Variants in WWC1 observed in about 807,000 individuals in gnomAD.
WWC1 encodes the protein WW and C2 domain containing 1, also known as protein KIBRA.
In WWC1, 55 loss-of-function variants were observed where a neutral mutation model predicts 138.4. That is an observed-to-expected ratio of 0.40 (90% CI 0.32 to 0.50). The LOEUF (loss-of-function observed/expected upper bound fraction) is 0.50, where lower values mean the gene tolerates loss of function less well. WWC1 is among the 20% of genes least tolerant of loss of function. The probability of loss-of-function intolerance (pLI) is 0.72; values close to 1 mark genes in which losing one functional copy is unlikely to be tolerated. For synonymous variants in WWC1, 524 were observed against 564.9 expected (o/e 0.93, Z 1.03); for missense variants, 1,226 against 1,420.4 (o/e 0.86, Z 2.20).
intron 17 of WWC1, among the ~76,000 whole-genome samples, chr5:168,452,396 G>A (rs576092282): frequency 6.6e-6 from 1 of 152,278 alleles, no homozygotes; most frequent in South Asian, 2.1e-4. Flanking sequence ...AAGTTGGGCT[G>A]GGACCTCATA....
intron 3 of WWC1, among the ~76,000 whole-genome samples, chr5:168,391,294 G>A (rs1296590666): frequency 6.6e-6 from 1 of 152,144 alleles, no homozygotes; most frequent in Non-Finnish European, 1.5e-5. Flanking sequence ...CAGTTACTCA[G>A]GAGGCTGAAG....
At chr5:168,434,525 G>C (rs768055462) in intron 15 of WWC1, among the ~76,000 whole-genome samples, 1 of 152,128 alleles carries the variant, frequency 6.6e-6, no homozygotes, top group Admixed American at 6.5e-5. Context: ...TTTAATCTTC[G>C]TGATGGCCCC....
At chr5:168,413,317 A>T (rs1225571941) in intron 8 of WWC1, among the ~76,000 whole-genome samples, 4 of 152,116 alleles carry the variant, frequency 2.6e-5, no homozygotes, top group African/African-American at 7.2e-5. Flanking sequence ...TGATGTCATG[A>T]TTGTTGTTAG....
chr5:168,358,713 A>G (rs1775644430), intron 1 of WWC1, among the ~76,000 whole-genome samples: 1 of 152,012 alleles, frequency 6.6e-6, no homozygotes, highest in African/African-American at 2.4e-5. Context: ...TTTTTCTTAC[A>G]ACTTTATTGA....
chr5:168,451,950 G>C (rs2152882925), intron 17 of WWC1, among the ~76,000 whole-genome samples: 2 of 128,936 alleles, frequency 1.6e-5, no homozygotes. Context: ...CTGTCACCCA[G>C]GCTGTAGTGC....
At chr5:168,460,764 T>C (rs2152891739) in intron 20 of WWC1, 22 bp downstream of exon 20, 1 of 1,612,786 alleles carries the variant, frequency 6.2e-7, no homozygotes, top group East Asian at 2.2e-5. Flanking sequence ...ACCTCAAAGC[T>C]ATTTTTCTGC....
rs114016043 is a variant in WWC1, at chr5:168,453,446, G to A, written c.2526-522G>A. On this transcript the variant is annotated intron_variant, in intron 17 of 22. Transcript: ENST00000265293. The stretch of plus-strand genomic sequence containing the variant: ...GAAAAGGTAGGAGAGAATTCTGGTG[G>A]GGAATGGAATGTTCTACATCTCAAG... 2.9e-3 allele frequency among the ~76,000 whole-genome samples: 442 copies of A among 152,280 alleles called. 6 individuals are homozygous for A. The highest frequency in any genetic ancestry group is 9.9e-3 in the African/African-American group (410 of 41,548).
intron 1 of WWC1, among the ~76,000 whole-genome samples, chr5:168,314,270 A>C (rs1489047581): frequency 6.6e-6 from 1 of 152,174 alleles, no homozygotes; most frequent in Non-Finnish European, 1.5e-5. Flanking sequence ...GCCTGGGAGA[A>C]GTATTGATGT....
chr5:168,416,277 C>T (rs1037383402), intron 9 of WWC1: 2 of 152,238 alleles, frequency 1.3e-5, no homozygotes, highest in African/African-American at 4.8e-5. Context: ...TCATTGGCAG[C>T]AGCAGCTGAT....
intron 5 of WWC1, among the ~76,000 whole-genome samples, chr5:168,403,576 T>C (rs2152834912): frequency 6.6e-6 from 1 of 152,306 alleles, no homozygotes; most frequent in South Asian, 2.1e-4. Flanking sequence ...AGGTTGCCTC[T>C]TGGAGGAGAT....
At chr5:168,315,190 T>G (rs62385617) in intron 1 of WWC1, among the ~76,000 whole-genome samples, 16 of 141,310 alleles carry the variant, frequency 1.1e-4, no homozygotes, top group African/African-American at 4.1e-4. Flanking sequence ...TTTTTTTTTT[T>G]CCATTCCTTC....
chr5:168,320,648 CAG>C (rs1771991146), intron 1 of WWC1, among the ~76,000 whole-genome samples: 1 of 152,134 alleles, frequency 6.6e-6, no homozygotes, highest in Non-Finnish European at 1.5e-5. Flanking sequence ...TGTCAGTGAA[CAG>C]AGCAGAATCT....
intron 1 of WWC1, among the ~76,000 whole-genome samples, chr5:168,322,744 G>C (rs922215215): frequency 6.6e-6 from 1 of 152,186 alleles, no homozygotes; most frequent in Non-Finnish European, 1.5e-5. Flanking sequence ...GGGTGGTTTG[G>C]TGCCACATTG....
intron 1 of WWC1, among the ~76,000 whole-genome samples, chr5:168,344,432 A>G (rs899172453): frequency 1.3e-5 from 2 of 152,188 alleles, no homozygotes; most frequent in African/African-American, 4.8e-5. Flanking sequence ...CGGTTTTCTC[A>G]TCTGTAGAAT....
intron 1 of WWC1, among the ~76,000 whole-genome samples, chr5:168,357,277 C>T (rs1424598870): frequency 1.4e-5 from 2 of 146,266 alleles, no homozygotes; most frequent in African/African-American, 5.1e-5. Context: ...TATTAAGATA[C>T]TGTCTTTTTC....
chr5:168,453,685 A>G (rs1174674160), intron 17 of WWC1, among the ~76,000 whole-genome samples: 1 of 152,100 alleles, frequency 6.6e-6, no homozygotes, highest in Admixed American at 6.5e-5. Context: ...AGCTGGGACT[A>G]CAGGTGTGCA....
chr5:168,344,058 C>A (rs1774268158), intron 1 of WWC1, among the ~76,000 whole-genome samples: 1 of 152,156 alleles, frequency 6.6e-6, no homozygotes. Flanking sequence ...CAGCAGCTTG[C>A]AAGGCCTATC....
At chr5:168,319,062 T>A (rs1468174585) in intron 1 of WWC1, among the ~76,000 whole-genome samples, 1 of 152,246 alleles carries the variant, frequency 6.6e-6, no homozygotes, top group Admixed American at 6.5e-5. Flanking sequence ...CATCTGTTGG[T>A]GGACACTTGG....
chr5:168,331,396 A>G (rs1773020494), intron 1 of WWC1, among the ~76,000 whole-genome samples: 3 of 152,204 alleles, frequency 2.0e-5, no homozygotes, highest in Admixed American at 2.0e-4. Flanking sequence ...CTTCTCCAGG[A>G]CCACCCTTTG....
Sources: allele counts gnomAD v4.1 joint callset (sites outside exome capture counted in the v4.1 genomes callset), GRCh38; gene constraint gnomAD v4.1.1; transcripts MANE v1.5; gene names NCBI Gene and HGNC (gene_info 2026-07-23, HGNC 2026-07-21).